RNLS: variants seen among roughly 807,000 people sequenced by gnomAD.
The protein encoded by RNLS is renalase, FAD dependent amine oxidase, also known as renalase.
In RNLS, 39 loss-of-function variants were observed where a neutral mutation model predicts 39.8. The ratio of observed to expected loss-of-function variants is 0.98; its 90% CI spans 0.76 to 1.28. RNLS has a LOEUF of 1.28. Ranked by LOEUF, RNLS falls within the 50% of genes most tolerant of loss-of-function variation. The pLI is 0.00. For synonymous variants in RNLS, 147 were observed against 150.7 expected (o/e 0.98, Z 0.18); for missense variants, 410 against 413.3 (o/e 0.99, Z 0.07).
chr10:88,473,706 AC>A (rs199913412), intron 4 of RNLS, among the ~76,000 whole-genome samples: 2,869 of 152,278 alleles, frequency 0.019, 44 homozygotes, highest in South Asian at 0.057. Flanking sequence ...AATTTGGGCA[AC>A]CCTTTAGACC....
At chr10:88,324,477 C>T (rs77782668) in intron 5 of RNLS, among the ~76,000 whole-genome samples, 5 of 149,358 alleles carry the variant, frequency 3.3e-5, no homozygotes, top group African/African-American at 1.2e-4. Context: ...CATATTTTCA[C>T]TTATAAGTAA....
chr10:88,321,427 G>T (rs1003705314), intron 5 of RNLS, among the ~76,000 whole-genome samples: 1 of 151,916 alleles, frequency 6.6e-6, no homozygotes, highest in African/African-American at 2.4e-5. Context: ...CCCAAAGATA[G>T]AAGAACAAAA....
At chr10:88,271,909 A>G (rs1048153793), downstream of RNLS, among the ~76,000 whole-genome samples, 2 of 152,208 alleles carry the variant, frequency 1.3e-5, no homozygotes, top group Admixed American at 6.5e-5. Context: ...GAAGGCCAGG[A>G]CAGATAGTGT....
chr10:88,539,905 C>T (rs1847954967), intron 4 of RNLS, among the ~76,000 whole-genome samples: 1 of 151,510 alleles, frequency 6.6e-6, no homozygotes, highest in African/African-American at 2.4e-5. Context: ...GATTTTTCAC[C>T]ACAGTCTACA....
intron 4 of RNLS, among the ~76,000 whole-genome samples, chr10:88,525,326 A>G (rs1338097850): frequency 1.3e-5 from 2 of 151,922 alleles, no homozygotes; most frequent in African/African-American, 4.8e-5. Context: ...GGAAAGCCCT[A>G]TTTAACTGCG....
chr10:88,258,974 G>A, the RNLS span, among the ~76,000 whole-genome samples: 127 of 152,256 alleles, frequency 8.3e-4, no homozygotes, highest in African/African-American at 2.9e-3. Context: ...AGAGCATTCC[G>A]GATGCCCTGG....
chr10:88,554,410 T>C (rs1339831519), intron 4 of RNLS, among the ~76,000 whole-genome samples: 1 of 152,000 alleles, frequency 6.6e-6, no homozygotes, highest in Non-Finnish European at 1.5e-5. Flanking sequence ...AGGGGAAAAA[T>C]ATTGACTGAT....
intron 4 of RNLS, among the ~76,000 whole-genome samples, chr10:88,414,848 G>A (rs1853915436): frequency 2.6e-5 from 4 of 152,152 alleles, no homozygotes. Flanking sequence ...CTACTGCAAT[G>A]AATAAATAGA....
chr10:88,570,071 G>A (rs1849737280), intron 4 of RNLS, among the ~76,000 whole-genome samples: 1 of 152,028 alleles, frequency 6.6e-6, no homozygotes, highest in South Asian at 2.1e-4. Flanking sequence ...ACAGAAACAG[G>A]AAAAATTTCC....
intron 6 of RNLS, among the ~76,000 whole-genome samples, chr10:88,308,958 T>C (rs1474975535): frequency 6.6e-6 from 1 of 152,216 alleles, no homozygotes; most frequent in African/African-American, 2.4e-5. Flanking sequence ...AATGGGATCA[T>C]GTCCTTTGCA....
At chr10:88,518,754 G>A (rs553338537) in intron 4 of RNLS, among the ~76,000 whole-genome samples, 2 of 152,006 alleles carry the variant, frequency 1.3e-5, no homozygotes, top group African/African-American at 2.4e-5. Flanking sequence ...ACCTACTATG[G>A]GTACTACAGG....
the RNLS span, among the ~76,000 whole-genome samples, chr10:88,193,274 C>T: frequency 2.5e-4 from 38 of 152,218 alleles, no homozygotes; most frequent in Admixed American, 2.4e-3. Context: ...CTTATTGACT[C>T]GCCCGAGAAC....
At chr10:88,581,030 G>T (rs1850503609) in intron 3 of RNLS, among the ~76,000 whole-genome samples, 1 of 151,934 alleles carries the variant, frequency 6.6e-6, no homozygotes, top group Admixed American at 6.6e-5. Context: ...ATCAATGTTT[G>T]TATTAGCAAA....
chr10:88,219,848 C>T, the RNLS span, among the ~76,000 whole-genome samples: 1 of 152,202 alleles, frequency 6.6e-6, no homozygotes, highest in Non-Finnish European at 1.5e-5. Context: ...TTGAACTCTC[C>T]TCTTATGAAT....
chr10:88,561,233 G>C (rs1849171113), intron 4 of RNLS, among the ~76,000 whole-genome samples: 1 of 152,120 alleles, frequency 6.6e-6, no homozygotes, highest in South Asian at 2.1e-4. Context: ...GAGACGTTGA[G>C]GGCAGTTCTG....
At chr10:88,175,971 C>G in the RNLS span, among the ~76,000 whole-genome samples, 2 of 152,016 alleles carry the variant, frequency 1.3e-5, no homozygotes, top group Admixed American at 6.5e-5. Context: ...CTGGATTGAT[C>G]CCTTTATCAT....
chr10:88,412,751 T>C (rs1379862643), intron 4 of RNLS, among the ~76,000 whole-genome samples: 1 of 152,126 alleles, frequency 6.6e-6, no homozygotes, highest in African/African-American at 2.4e-5. Flanking sequence ...AATAAAGTGA[T>C]CCTAAATATT....
chr10:88,294,960 C>A (rs538341928), intron 6 of RNLS, among the ~76,000 whole-genome samples: 69 of 152,110 alleles, frequency 4.5e-4, no homozygotes, highest in African/African-American at 1.6e-3. Context: ...CTATTAACCA[C>A]CTTCTCTTTT....
intron 5 of RNLS, among the ~76,000 whole-genome samples, chr10:88,326,748 T>C (rs1162141392): frequency 1.3e-5 from 2 of 152,168 alleles, no homozygotes; most frequent in Non-Finnish European, 2.9e-5. Flanking sequence ...GTAGATCCAA[T>C]GGCAGCTTGC....
Sources: gnomAD v4.1 joint callset for allele counts (sites outside exome capture counted in the v4.1 genomes callset) on GRCh38, gnomAD v4.1.1 for gene constraint, MANE v1.5 for transcripts, NCBI Gene and HGNC (gene_info 2026-07-23, HGNC 2026-07-21) for gene names.